PABPC1: variants seen among roughly 807,000 people sequenced by gnomAD.
PABPC1 encodes the protein polyadenylate-binding protein 1.
Under a neutral mutation model 74.0 loss-of-function variants are expected in PABPC1, and 4 were observed. The ratio of observed to expected loss-of-function variants is 0.05; its 90% confidence interval spans 0.03 to 0.12. The LOEUF is 0.12. PABPC1 is among the 10% of genes least tolerant of loss of function. The pLI is 1.00. For synonymous variants in PABPC1, 227 were observed against 264.1 expected, an observed-to-expected ratio of 0.86 and a Z score of 1.36; for missense variants, 271 against 821.1, an observed-to-expected ratio of 0.33 and a Z score of 8.19.
At chr8:100,719,612 G>A (rs1043282486) in intron 1 of PABPC1, among the ~76,000 whole-genome samples, 2 of 152,090 alleles carry the variant, frequency 1.3e-5, no homozygotes, top group African/African-American at 4.8e-5. Context: ...CAGTAGTTAG[G>A]GTACTGGTCT....
At position 100,705,689 on chromosome 8, in the gene PABPC1, G is replaced by A. The variant is rs761190644; in HGVS notation, c.1603-16C>T. The stretch of plus-strand genomic sequence containing the variant: ...GAACAGCAGGCTAGACAGAAAATGA[G>A]AACTCTTAAGTTTAAAGCACAGAAA... On this transcript the variant is annotated splice_polypyrimidine_tract_variant and intron_variant, in intron 11 of 14. Transcript: ENST00000318607. 2 of 1,549,354 alleles carry A rather than the reference G, an allele frequency of 1.3e-6. No homozygotes were observed. Among genetic ancestry groups the A allele is most frequent in the East Asian group, 2.2e-5 (1 of 44,554 alleles).
intron 1 of PABPC1, 21 bp from the exon 2 acceptor site, chr8:100,718,301 G>C (rs368312291): frequency 1.9e-6 from 3 of 1,599,464 alleles, no homozygotes; most frequent in Non-Finnish European, 2.6e-6. Context: ...GACATTTTCA[G>C]AGTCAATATT....
chr8:100,717,739 T>A (rs2129747204), intron 3 of PABPC1, 34 bp downstream of exon 3: 1 of 1,262,994 alleles, frequency 7.9e-7, no homozygotes, highest in Non-Finnish European at 1.1e-6. Flanking sequence ...AAAATAAGAT[T>A]CAAAATATGA....
chr8:100,704,141 C>T (rs1478254820), intron 14 of PABPC1, 156 bp downstream of exon 14: 7 of 600,036 alleles, frequency 1.2e-5, no homozygotes, highest in Non-Finnish European at 2.1e-5. Context: ...TTTAATTCCT[C>T]TATAGTTAGT....
chr8:100,715,782 G>A (rs73700214), intron 3 of PABPC1, among the ~76,000 whole-genome samples, 181 bp from the exon 4 acceptor site: 7,571 of 151,884 alleles, frequency 0.05, 620 homozygotes, highest in African/African-American at 0.17. Context: ...ATATGAATAA[G>A]CCTCTAACTA....
intron 9 of PABPC1, chr8:100,707,253 C>T (rs1313754700): frequency 6.5e-6 from 2 of 309,596 alleles, no homozygotes; most frequent in South Asian, 3.2e-5. Context: ...TATGCAGCGA[C>T]GAGAGAGTGC....
intron 7 of PABPC1, among the ~76,000 whole-genome samples, chr8:100,710,633 G>A (rs1231357048): frequency 6.6e-6 from 1 of 152,194 alleles, no homozygotes. Flanking sequence ...TTTCTAAGAT[G>A]ACACACACAC....
chr8:100,708,639 G>A (rs932306464), intron 9 of PABPC1, among the ~76,000 whole-genome samples: 1 of 152,148 alleles, frequency 6.6e-6, no homozygotes, highest in African/African-American at 2.4e-5. Context: ...ACTTTAGGAG[G>A]CTGAGGTGGG....
chr8:100,721,383 G>A lies in PABPC1; in HGVS notation c.193+8C>T, dbSNP rs751949849. On this transcript the variant is annotated splice_region_variant and intron_variant, in intron 1 of 14. Transcript: ENST00000318607. The surrounding 1 kb of genome is among the most constrained non-coding windows in gnomAD (Gnocchi z 7.4). ...CCCGCCCGGCCGACCGCGGAGCCCGGCGCTCACCGTCCGCCGGCTGCTGGA... is the reference window on the plus strand; with the variant it reads ...CCCGCCCGGCCGACCGCGGAGCCCGACGCTCACCGTCCGCCGGCTGCTGGA... The A allele has an allele frequency of 5.3e-6, 8 of 1,513,618 alleles. No homozygotes were observed. Among genetic ancestry groups the A allele is most frequent in the African/African-American group, 1.4e-5 (1 of 70,004 alleles). 93.8% of individuals were successfully genotyped at this position (1,513,618 alleles called of 1,614,324 possible). A position where few individuals can be genotyped will look rare whatever the true frequency, so the allele number is the denominator to read the frequency against.
At chr8:100,718,586 C>T (rs1276645195) in intron 1 of PABPC1, among the ~76,000 whole-genome samples, 37 of 152,172 alleles carry the variant, frequency 2.4e-4, no homozygotes, top group Admixed American at 2.4e-3. Context: ...ATCTAAAGCA[C>T]TTTTTTTCCT....
intron 9 of PABPC1, among the ~76,000 whole-genome samples, chr8:100,708,557 A>C (rs1810442403): frequency 6.6e-6 from 1 of 152,234 alleles, no homozygotes; most frequent in Admixed American, 6.5e-5. Context: ...AAATGGAACG[A>C]GACCTTTAAA....
rs369361690 is a variant in PABPC1, at chr8:100,709,206, T to A, written c.1263A>T (p.Ala421=). The change falls in exon 9 of 15, where the codon GCA becomes GCT. Residue 421 remains alanine, a synonymous_variant. Coordinates refer to ENST00000318607, the MANE Select transcript of PABPC1 (RefSeq NM_002568.4). ...AAIPQTQNRA[A]YYPPSQIAQL... is the part of the protein sequence containing the mutation. Reference sequence around the variant, plus strand: ...GAGCAATTTGGCTAGGAGGATAGTATGCAGCACGGTTCTGAGTCTGCAGGG... The same window carrying A: ...GAGCAATTTGGCTAGGAGGATAGTAAGCAGCACGGTTCTGAGTCTGCAGGG... The A allele has an allele frequency of 1.2e-6, 2 of 1,614,154 alleles. No homozygotes were observed. Among genetic ancestry groups the A allele is most frequent in the Non-Finnish European group, 1.7e-6 (2 of 1,179,996 alleles).
At chr8:100,720,436 C>G (rs1056294287) in intron 1 of PABPC1, among the ~76,000 whole-genome samples, 19 of 152,170 alleles carry the variant, frequency 1.2e-4, no homozygotes, top group African/African-American at 3.4e-4. Context: ...AAAAGAGAAA[C>G]TTGAACTTCT....
chr8:100,704,870 T>A (rs1810341224), intron 13 of PABPC1, 56 bp downstream of exon 13: 2 of 1,587,362 alleles, frequency 1.3e-6, no homozygotes, highest in East Asian at 4.5e-5. Context: ...TAAGTCCCCA[T>A]AAAAAGCCAC....
intron 1 of PABPC1, among the ~76,000 whole-genome samples, chr8:100,718,696 GA>G (rs1384835027): frequency 6.6e-6 from 1 of 152,124 alleles, no homozygotes; most frequent in Admixed American, 6.5e-5. Context: ...GTAGTTTATA[GA>G]TTTAAATATT....
chr8:100,706,917 C>T lies in PABPC1; in HGVS notation c.1417G>A (p.Val473Ile), dbSNP rs1354008181. Residue 473 changes from valine to isoleucine, a missense_variant, in exon 10 of 15, where the codon GTT becomes ATT. By Grantham distance (29) the Val-to-Ile change is conservative. This residue lies in a region of PABPC1 where 103 missense variants were observed against 245.3 expected (regional missense o/e 0.42). Transcript: ENST00000318607. ...CGCTGTGTTGACATGACTCGTGGAA[C>T]CTGTGAAGAAGCTGGTCTCATAGTA... is the stretch of plus-strand genomic sequence containing the variant. Reference protein sequence around the residue: ...FSTMRPASSQVPRVMSTQRVA... With the variant: ...FSTMRPASSQIPRVMSTQRVA... 6.2e-7 allele frequency: 1 copy of T among 1,614,072 alleles called. No homozygotes were observed. The highest frequency in any genetic ancestry group is 2.2e-5 in the East Asian group (1 of 44,874).
intron 4 of PABPC1, among the ~76,000 whole-genome samples, chr8:100,713,922 A>AG (rs200207712): frequency 3.3e-5 from 3 of 91,210 alleles, no homozygotes; most frequent in African/African-American, 2.6e-4. Flanking sequence ...TTTGAAAGAC[A>AG]GGGAAAAAAA....
chr8:100,708,314 G>A (rs1810435310), intron 9 of PABPC1, among the ~76,000 whole-genome samples: 1 of 152,134 alleles, frequency 6.6e-6, no homozygotes, highest in Non-Finnish European at 1.5e-5. Flanking sequence ...AAATTAGCTG[G>A]GCGTGGTGGC....
At chr8:100,715,381 TTAGTATAAAGTAA>T (rs1809043880) in intron 4 of PABPC1, 68 bp downstream of exon 4, 5 of 1,265,486 alleles carry the variant, frequency 4.0e-6, no homozygotes, top group Non-Finnish European at 4.3e-6. Context: ...ATTGACTTTT[TTAGTATAAAGTAA>T]TAGCTAAAAT....
Sources: gnomAD v4.1 joint callset for allele counts (sites outside exome capture counted in the v4.1 genomes callset) on GRCh38, gnomAD v4.1.1 for gene constraint, gnomAD v4.1.1 regional missense constraint, Gnocchi (gnomAD v3.1) non-coding constraint, MANE v1.5 for transcripts, NCBI Gene and HGNC (gene_info 2026-07-23, HGNC 2026-07-21) for gene names.